The following GLB1 variants were observed in gnomAD, a reference collection of about 807,000 sequenced individuals.
The protein encoded by GLB1 is beta-galactosidase.
Under a neutral mutation model 74.0 loss-of-function variants are expected in GLB1, and 56 were observed. The observed-to-expected ratio is 0.76, with a 90% CI of 0.61 to 0.94. GLB1 has a LOEUF of 0.94. GLB1 is among the 40% of genes least tolerant of loss of function. The probability of loss-of-function intolerance (pLI) is 0.00; values close to 1 mark genes in which losing one functional copy is unlikely to be tolerated. For missense variants in GLB1, 787 were observed against 845.5 expected (o/e 0.93, Z 0.86); for synonymous variants, 323 against 323.6 (o/e 1.00, Z 0.02).
downstream of GLB1, among the ~76,000 whole-genome samples, chr3:32,992,933 G>T (rs79852129): frequency 9.1e-4 from 139 of 152,336 alleles, 1 homozygote; most frequent in African/African-American, 3.3e-3. Context: ...AAGAGCAGGG[G>T]CTAGGCCAAA....
chr3:32,998,864 C>A (rs1696429000), intron 15 of GLB1, among the ~76,000 whole-genome samples: 1 of 152,184 alleles, frequency 6.6e-6, no homozygotes, highest in African/African-American at 2.4e-5. Context: ...AGTCTTCTTA[C>A]GTTTGGGTAT....
intron 1 of GLB1, among the ~76,000 whole-genome samples, chr3:33,089,569 G>A (rs1345271494): frequency 1.3e-5 from 2 of 152,128 alleles, no homozygotes; most frequent in African/African-American, 4.8e-5. Context: ...GAGTATTACT[G>A]TAGTCCAGCC....
In GLB1 at chr3:33,068,802, C is replaced by A. The variant is rs772802498; in HGVS notation, c.396+18G>T. On this transcript the variant is annotated intron_variant, in intron 3 of 15. Transcript: ENST00000307363. ...CAGCTCACACACACCAGGTAGAGCC[C>A]AGTCTAGCCACACTCACCATTTCCC... The A allele has an allele frequency of 6.2e-7, 1 of 1,613,438 alleles. No individual in the cohort carries two copies. Among genetic ancestry groups the A allele is most frequent in the Non-Finnish European group, 8.5e-7 (1 of 1,180,030 alleles).
chr3:33,073,025 T>TCACA lies in GLB1; in HGVS notation c.76-316_76-313dup, dbSNP rs369532702. Among the ~76,000 whole-genome samples the TCACA allele has an allele frequency of 2.6e-5, 4 of 151,814 alleles. No homozygotes were observed. The East Asian group carries it at 7.7e-4, about 29-fold the overall frequency. ...GTGCTGTTCATGGGGCTGGGGAACA[T>TCACA]CACACACACACACGCATGCACGCAC... On this transcript the variant is annotated intron_variant, in intron 1 of 15. Transcript: ENST00000307363.
At chr3:33,061,046 C>T (rs567873994) in intron 5 of GLB1, among the ~76,000 whole-genome samples, 1 of 152,210 alleles carries the variant, frequency 6.6e-6, no homozygotes, top group East Asian at 1.9e-4. Flanking sequence ...CTTGAAAAAC[C>T]CATAGAAAAA....
chr3:33,063,195 A>G (rs1699521888), intron 5 of GLB1, among the ~76,000 whole-genome samples: 1 of 152,238 alleles, frequency 6.6e-6, no homozygotes, highest in East Asian at 1.9e-4. Flanking sequence ...AATGAAGCAA[A>G]AAAAGCCACA....
rs1553606128 is a variant in GLB1, at chr3:33,014,279, T to TTC, written c.1510_1511insGA (p.Asn504ArgfsTer97). 6.2e-7 allele frequency: 1 copy of TTC among 1,614,054 alleles called. No individual in the cohort carries two copies. Among genetic ancestry groups the TTC allele is most frequent in the Non-Finnish European group, 8.5e-7 (1 of 1,180,004 alleles). On this transcript the variant is annotated frameshift_variant, in exon 15 of 16. Coordinates refer to ENST00000307363, the MANE Select transcript of GLB1 (RefSeq NM_000404.4). LOFTEE classifies it high-confidence loss of function. ...AAAGATCGTCCAGTCCGTGAGGATA[T>TTC]TGGAACTGAGAGTCAGGTTAGAAAC... is the stretch of plus-strand genomic sequence containing the variant.
intron 10 of GLB1, among the ~76,000 whole-genome samples, chr3:33,026,652 T>A (rs1419443844): frequency 6.6e-6 from 1 of 151,948 alleles, no homozygotes; most frequent in Non-Finnish European, 1.5e-5. Flanking sequence ...CAGCACCTCC[T>A]CCCCACTGAA....
chr3:33,090,292 G>T, intron 1 of GLB1: 1 of 622,078 alleles, frequency 1.6e-6, no homozygotes, highest in Non-Finnish European at 2.0e-6. Context: ...GTACAGGTGG[G>T]GCAGGGGTAG....
At chr3:33,025,514 T>A (rs985205315) in intron 10 of GLB1, among the ~76,000 whole-genome samples, 1 of 152,190 alleles carries the variant, frequency 6.6e-6, no homozygotes, top group Admixed American at 6.5e-5. Flanking sequence ...TTTCCTTCTT[T>A]TTTTTTTGGT....
the GLB1 span, among the ~76,000 whole-genome samples, chr3:32,985,654 T>C: frequency 2.6e-5 from 4 of 152,274 alleles, no homozygotes; most frequent in Admixed American, 2.0e-4. Flanking sequence ...GTGTGTTTAG[T>C]ATTGATGCGT....
At chr3:33,065,098 G>A (rs902986123) in intron 5 of GLB1, among the ~76,000 whole-genome samples, 21 of 152,146 alleles carry the variant, frequency 1.4e-4, no homozygotes, top group Admixed American at 1.3e-4. Context: ...CAATATTGCA[G>A]GAGAAACAGA....
At chr3:32,995,927 C>G (rs1455392901), downstream of GLB1, among the ~76,000 whole-genome samples, 1 of 151,600 alleles carries the variant, frequency 6.6e-6, no homozygotes, top group Non-Finnish European at 1.5e-5. Flanking sequence ...CTCTCAAATA[C>G]TTAGCATCCA....
chr3:32,996,775 C>A lies in GLB1; in HGVS notation c.*270G>T. ...TAACAAAAAGGTAACATGATTCTTC[C>A]AAAATAAAAATCACTACCACCTTTA... On this transcript the variant is annotated 3_prime_UTR_variant, in exon 16 of 16. Coordinates refer to ENST00000307363, the MANE Select transcript of GLB1 (RefSeq NM_000404.4). 1 of 481,824 alleles carries A rather than the reference C, an allele frequency of 2.1e-6. No individual in the cohort carries two copies. 29.8% of individuals were successfully genotyped at this position (481,824 alleles called of 1,614,324 possible).
At chr3:32,997,420 G>C (rs1696356571) in intron 15 of GLB1, 76 bp from the exon 16 acceptor site, 2 of 1,593,490 alleles carry the variant, frequency 1.3e-6, no homozygotes, top group Non-Finnish European at 1.7e-6. Context: ...CCCTGATGTA[G>C]GGCAGGCCAG....
At chr3:33,023,140 G>C (rs1444325200) in intron 11 of GLB1, among the ~76,000 whole-genome samples, 1 of 152,214 alleles carries the variant, frequency 6.6e-6, no homozygotes, top group Non-Finnish European at 1.5e-5. Flanking sequence ...ACGGTAAACA[G>C]AATGTGCTTT....
chr3:33,092,696 T>G (rs1020101961), intron 1 of GLB1: 2 of 1,439,430 alleles, frequency 1.4e-6, no homozygotes, highest in African/African-American at 2.8e-5. Flanking sequence ...AGTCACTGTT[T>G]GAGTCAGGCT....
At chr3:33,045,239 C>T in intron 10 of GLB1, 1 of 607,956 alleles carries the variant, frequency 1.6e-6, no homozygotes, top group Non-Finnish European at 2.0e-6. Flanking sequence ...TGCTCATAGA[C>T]TCACTCTTTT....
chr3:33,096,626 A>T, intron 1 of GLB1: 1 of 1,068,458 alleles, frequency 9.4e-7, no homozygotes, highest in Non-Finnish European at 1.1e-6. Context: ...TGGGAAAGCG[A>T]GGGCGCCCCA....
Sources: gnomAD v4.1 joint callset for allele counts (sites outside exome capture counted in the v4.1 genomes callset) on GRCh38, gnomAD v4.1.1 for gene constraint, MANE v1.5 for transcripts, NCBI Gene and HGNC (gene_info 2026-07-23, HGNC 2026-07-21) for gene names.